HECW2: variants seen among roughly 807,000 people sequenced by gnomAD.
HECW2 encodes the protein HECT, C2 and WW domain containing E3 ubiquitin protein ligase 2, also known as E3 ubiquitin-protein ligase HECW2.
Under a neutral mutation model 175.2 loss-of-function variants are expected in HECW2, and 61 were observed. That is an observed-to-expected ratio of 0.35 (90% CI 0.28 to 0.43). HECW2 has a LOEUF of 0.43. HECW2 is among the 20% of genes least tolerant of loss of function. The pLI, the probability that HECW2 is intolerant of heterozygous loss-of-function variation, is 1.00. For synonymous variants in HECW2, 671 were observed against 731.0 expected (o/e 0.92, Z 1.32); for missense variants, 1,524 against 2,000.5 (o/e 0.76, Z 4.54).
chr2:196,468,197 G>A (rs1364693361), intron 1 of HECW2, among the ~76,000 whole-genome samples: 2 of 152,202 alleles, frequency 1.3e-5, no homozygotes, highest in African/African-American at 4.8e-5. Context: ...GTTTTGCCAT[G>A]TTGGCAAGGC....
rs566288660 is a variant in HECW2 at position 196,361,138 on chromosome 2, G to A, written c.293-17374C>T. 2.6e-5 allele frequency among the ~76,000 whole-genome samples: 4 copies of A among 152,248 alleles called. No individual in the cohort carries two copies. The East Asian group carries it at 5.8e-4, about 22-fold the overall frequency. ...AGGATAAAACTAAAATTTTGCCCTG[G>A]AGTTGTTCCAGTTTTTAAATAATTA... is the stretch of plus-strand genomic sequence containing the variant. On this transcript the variant is annotated intron_variant, in intron 2 of 28. Transcript: ENST00000644978.
intron 1 of HECW2, among the ~76,000 whole-genome samples, chr2:196,481,370 G>A (rs1686838745): frequency 1.3e-5 from 2 of 152,176 alleles, no homozygotes; most frequent in Non-Finnish European, 2.9e-5. Flanking sequence ...TATTGTTCTA[G>A]GCGAAAGTAA....
intron 2 of HECW2, among the ~76,000 whole-genome samples, chr2:196,409,755 G>A (rs2125224799): frequency 6.6e-6 from 1 of 152,294 alleles, no homozygotes; most frequent in Non-Finnish European, 1.5e-5. Context: ...TCCATAAGAA[G>A]CCCTCTAGGT....
At chr2:196,265,672 C>T (rs1170718407) in intron 17 of HECW2, among the ~76,000 whole-genome samples, 1 of 152,132 alleles carries the variant, frequency 6.6e-6, no homozygotes, top group African/African-American at 2.4e-5. Flanking sequence ...GTGAAGGGCA[C>T]ACTACTAATA....
chr2:196,455,231 A>C (rs1575560173), intron 1 of HECW2, among the ~76,000 whole-genome samples: 1 of 152,116 alleles, frequency 6.6e-6, no homozygotes, highest in East Asian at 1.9e-4. Context: ...ATGGGGTTTC[A>C]CCATGTTGGC....
At chr2:196,342,306 AGGGAGGAGAATTGCTTGAACCC>A (rs1328051493) in intron 3 of HECW2, among the ~76,000 whole-genome samples, 1 of 150,866 alleles carries the variant, frequency 6.6e-6, no homozygotes, top group Non-Finnish European at 1.5e-5. Context: ...CTGGAGGCTG[AGGGAGGAGAATTGCTTGAACCC>A]GGGAGGCGGA....
chr2:196,516,457 T>A (rs188810683), intron 1 of HECW2, among the ~76,000 whole-genome samples: 74 of 152,344 alleles, frequency 4.9e-4, no homozygotes, highest in African/African-American at 1.6e-3. Context: ...ATTTTTGTAA[T>A]TTTTTCCTTA....
intron 2 of HECW2, among the ~76,000 whole-genome samples, chr2:196,349,780 A>G (rs1181154315): frequency 6.6e-6 from 1 of 152,196 alleles, no homozygotes; most frequent in East Asian, 1.9e-4. Context: ...AGAAGATTAC[A>G]ACACACAACC....
At chr2:196,209,749 TTTTCTTTC>T (rs921521385) in intron 28 of HECW2, among the ~76,000 whole-genome samples, 3 of 147,010 alleles carry the variant, frequency 2.0e-5, no homozygotes, top group African/African-American at 7.8e-5. Context: ...TTCTGATGGT[TTTTCTTTC>T]TTTCTTTCTT....
intron 1 of HECW2, among the ~76,000 whole-genome samples, chr2:196,581,793 G>A (rs998813401): frequency 7.9e-5 from 12 of 152,052 alleles, no homozygotes; most frequent in Admixed American, 1.3e-4. Context: ...ATGGACAGGC[G>A]CGGTGGCTCA....
intron 2 of HECW2, among the ~76,000 whole-genome samples, chr2:196,396,880 G>A (rs1160053409): frequency 6.6e-6 from 1 of 151,866 alleles, no homozygotes; most frequent in Non-Finnish European, 1.5e-5. Flanking sequence ...GGGAGGCCGA[G>A]GCGGACGGAT....
chr2:196,457,904 T>C (rs6728749), intron 1 of HECW2, among the ~76,000 whole-genome samples: 54,568 of 152,082 alleles, frequency 0.36, 12,792 homozygotes, highest in African/African-American at 0.68. Context: ...AATAAAGCAT[T>C]ATGGTATTTG....
chr2:196,318,136 C>A (rs1531112), intron 9 of HECW2, among the ~76,000 whole-genome samples: 148,934 of 152,328 alleles, frequency 0.98, 72,880 homozygotes, highest in Middle Eastern at 1. Flanking sequence ...CTACAAACCC[C>A]GGTTCCAATA....
At chr2:196,585,834 T>G (rs769743313) in intron 1 of HECW2, among the ~76,000 whole-genome samples, 33 of 152,136 alleles carry the variant, frequency 2.2e-4, no homozygotes, top group Non-Finnish European at 3.7e-4. Flanking sequence ...CTGAAAACCT[T>G]AGAGTATGAA....
intron 2 of HECW2, among the ~76,000 whole-genome samples, chr2:196,397,081 C>CAG (rs1290619013): frequency 1.3e-5 from 2 of 152,132 alleles, no homozygotes; most frequent in African/African-American, 4.8e-5. Context: ...CACTGCACTC[C>CAG]AGCCTGGGGG....
chr2:196,476,947 C>CAAAAAA (rs35714216), intron 1 of HECW2, among the ~76,000 whole-genome samples: 3 of 57,388 alleles, frequency 5.2e-5, no homozygotes, highest in African/African-American at 6.8e-5. Context: ...CCCATCTCCA[C>CAAAAAA]AAAAAAAAAA....
chr2:196,361,435 G>C (rs931546120), intron 2 of HECW2, among the ~76,000 whole-genome samples: 1 of 152,158 alleles, frequency 6.6e-6, no homozygotes, highest in Non-Finnish European at 1.5e-5. Context: ...GATTATTCCA[G>C]GGACAGATAA....
intron 2 of HECW2, among the ~76,000 whole-genome samples, chr2:196,422,250 A>G (rs1356569504): frequency 6.6e-6 from 1 of 152,148 alleles, no homozygotes; most frequent in Admixed American, 6.6e-5. Context: ...ACATTCTACT[A>G]TGGGAGAGAC....
intron 2 of HECW2, among the ~76,000 whole-genome samples, chr2:196,344,931 C>G (rs1692898073): frequency 6.6e-6 from 1 of 152,100 alleles, no homozygotes; most frequent in African/African-American, 2.4e-5. Flanking sequence ...GAAAATGGGT[C>G]AAAGCAAGGG....
Sources: gnomAD v4.1 joint callset for allele counts (sites outside exome capture counted in the v4.1 genomes callset) on GRCh38, gnomAD v4.1.1 for gene constraint, MANE v1.5 for transcripts, NCBI Gene and HGNC (gene_info 2026-07-23, HGNC 2026-07-21) for gene names.